The following SLC16A7 variants were observed in gnomAD, a reference collection of about 807,000 sequenced individuals.
SLC16A7 encodes the protein solute carrier family 16 member 7.
A neutral mutation model predicts 34.9 loss-of-function variants in SLC16A7; 33 were observed. That is an observed-to-expected ratio of 0.94 (90% CI 0.72 to 1.26). The LOEUF is 1.26. SLC16A7 is among the 50% of genes most tolerant of loss of function. The probability of loss-of-function intolerance (pLI) is 0.00; values close to 1 mark genes in which losing one functional copy is unlikely to be tolerated. For missense variants in SLC16A7, 573 were observed against 578.1 expected (o/e 0.99, Z 0.09); for synonymous variants, 201 against 206.6 (o/e 0.97, Z 0.23).
chr12:59,718,508 A>G (rs766082383), intron 3 of SLC16A7, among the ~76,000 whole-genome samples: 26 of 152,074 alleles, frequency 1.7e-4, no homozygotes, highest in Non-Finnish European at 2.6e-4. Flanking sequence ...CTCTGCTTCA[A>G]TTCCTTATGT....
chr12:59,671,726 G>GTGTATATA (rs561648895), intron 2 of SLC16A7, among the ~76,000 whole-genome samples: 2 of 143,642 alleles, frequency 1.4e-5, no homozygotes, highest in African/African-American at 2.6e-5. Context: ...GTATATATAT[G>GTGTATATA]TGTATATATG....
At chr12:59,616,095 C>T (rs868464197) in intron 1 of SLC16A7, among the ~76,000 whole-genome samples, 1 of 152,194 alleles carries the variant, frequency 6.6e-6, no homozygotes, top group Non-Finnish European at 1.5e-5. Context: ...CAGCATGATG[C>T]CTGAGGTAAC....
At chr12:59,658,279 A>G (rs554836119) in intron 2 of SLC16A7, among the ~76,000 whole-genome samples, 3 of 151,976 alleles carry the variant, frequency 2.0e-5, no homozygotes, top group South Asian at 4.1e-4. Flanking sequence ...CCCACACTTC[A>G]CTAATTGGCA....
chr12:59,753,707 A>G (rs1194855045), intron 3 of SLC16A7, among the ~76,000 whole-genome samples: 1 of 152,132 alleles, frequency 6.6e-6, no homozygotes, highest in African/African-American at 2.4e-5. Context: ...CGAGACAGAA[A>G]GTTAACAAGG....
intron 3 of SLC16A7, among the ~76,000 whole-genome samples, chr12:59,758,109 A>T (rs1490613444): frequency 6.6e-6 from 1 of 152,104 alleles, no homozygotes; most frequent in Non-Finnish European, 1.5e-5. Context: ...TCAAAACTGC[A>T]TACACAGAGT....
At chr12:59,681,291 A>G (rs1023536831) in intron 2 of SLC16A7, among the ~76,000 whole-genome samples, 10 of 151,888 alleles carry the variant, frequency 6.6e-5, no homozygotes, top group African/African-American at 2.4e-4. Context: ...TTATTGTTTT[A>G]CTCCCTCCTG....
chr12:59,721,188 C>A (rs778213388), intron 3 of SLC16A7, among the ~76,000 whole-genome samples: 1 of 151,922 alleles, frequency 6.6e-6, no homozygotes, highest in Admixed American at 6.6e-5. Flanking sequence ...AATCCATATT[C>A]CCCAAAGCCA....
At chr12:59,742,907 C>T (rs1878495122) in intron 3 of SLC16A7, among the ~76,000 whole-genome samples, 1 of 152,092 alleles carries the variant, frequency 6.6e-6, no homozygotes, top group Non-Finnish European at 1.5e-5. Flanking sequence ...ATTACTAGAG[C>T]TACATTATTG....
intron 2 of SLC16A7, among the ~76,000 whole-genome samples, chr12:59,700,673 A>G (rs1406706186): frequency 6.6e-6 from 1 of 151,596 alleles, no homozygotes; most frequent in Non-Finnish European, 1.5e-5. Context: ...AAGTATAAAT[A>G]AAATTAAGTT....
intron 3 of SLC16A7, among the ~76,000 whole-genome samples, chr12:59,728,355 G>T (rs1876536766): frequency 1.3e-5 from 2 of 152,168 alleles, no homozygotes; most frequent in African/African-American, 4.8e-5. Flanking sequence ...CTGGAGTGAG[G>T]CCCTATTGGC....
intron 3 of SLC16A7, among the ~76,000 whole-genome samples, chr12:59,730,692 A>G (rs1482533155): frequency 6.6e-6 from 1 of 152,164 alleles, no homozygotes; most frequent in Non-Finnish European, 1.5e-5. Flanking sequence ...TTCCTAGTTT[A>G]TTTTGAGAGT....
chr12:59,736,804 A>G (rs556570468), intron 3 of SLC16A7, among the ~76,000 whole-genome samples: 1 of 152,246 alleles, frequency 6.6e-6, no homozygotes, highest in South Asian at 2.1e-4. Flanking sequence ...AACTTCCTCC[A>G]CATGCTGACC....
At chr12:59,666,657 G>T in intron 2 of SLC16A7, among the ~76,000 whole-genome samples, 1 of 152,294 alleles carries the variant, frequency 6.6e-6, no homozygotes, top group South Asian at 2.1e-4. Flanking sequence ...CTGCCACCAT[G>T]TATGACGTGC....
At chr12:59,650,677 C>T (rs1868328397) in intron 1 of SLC16A7, among the ~76,000 whole-genome samples, 1 of 152,082 alleles carries the variant, frequency 6.6e-6, no homozygotes, top group Admixed American at 6.5e-5. Context: ...AGTTATGTCC[C>T]AGGAATGGAT....
At chr12:59,758,500 G>A (rs1880652094) in intron 3 of SLC16A7, among the ~76,000 whole-genome samples, 1 of 151,854 alleles carries the variant, frequency 6.6e-6, no homozygotes. Flanking sequence ...TTATTATAGG[G>A]TATTTATTCA....
chr12:59,665,795 T>A (rs1565637290), intron 2 of SLC16A7, among the ~76,000 whole-genome samples: 1 of 148,932 alleles, frequency 6.7e-6, no homozygotes, highest in Non-Finnish European at 1.5e-5. Flanking sequence ...CATATAACTT[T>A]TATATATATA....
chr12:59,724,714 A>G (rs970253714), intron 3 of SLC16A7, among the ~76,000 whole-genome samples: 30 of 152,160 alleles, frequency 2.0e-4, no homozygotes, highest in African/African-American at 7.0e-4. Flanking sequence ...TTTACAGAGC[A>G]TGATTAACTA....
At position 59,621,502 on chromosome 12, in the gene SLC16A7, G is replaced by T. The variant is rs144594200; in HGVS notation, c.-130+25266G>T. Among the ~76,000 whole-genome samples, 11 of 151,898 alleles carry T rather than the reference G, an allele frequency of 7.2e-5. No individual in the cohort carries two copies. The East Asian group carries it at 1.6e-3, about 21-fold the overall frequency. On this transcript the variant is annotated intron_variant, in intron 1 of 5. Transcript: ENST00000547379. ...TCCTAATATTTAATCTGATTTGAAT[G>T]CCTTACTTCTCTGTGCACCATTTAA...
intron 1 of SLC16A7, among the ~76,000 whole-genome samples, chr12:59,648,161 G>T (rs1868280708): frequency 6.6e-6 from 1 of 152,150 alleles, no homozygotes; most frequent in Non-Finnish European, 1.5e-5. Flanking sequence ...TGTAATGGAG[G>T]AGAGGAAGAT....
Sources: allele counts gnomAD v4.1 joint callset (sites outside exome capture counted in the v4.1 genomes callset), GRCh38; gene constraint gnomAD v4.1.1; transcripts MANE v1.5; gene names NCBI Gene and HGNC (gene_info 2026-07-23, HGNC 2026-07-21).